Variants in CNTN5 observed in about 807,000 individuals in gnomAD.
CNTN5 encodes the protein contactin 5.
A neutral mutation model predicts 129.1 loss-of-function variants in CNTN5; 77 were observed. That is an observed-to-expected ratio of 0.60 (90% confidence interval 0.50 to 0.72). CNTN5 has a LOEUF of 0.72. CNTN5 is among the 30% of genes least tolerant of loss of function. CNTN5 has a pLI of 0.00. For missense variants in CNTN5, 1,478 were observed against 1,328.8 expected (o/e 1.11, Z -1.75); for synonymous variants, 509 against 465.6 (o/e 1.09, Z -1.20).
intron 3 of CNTN5, among the ~76,000 whole-genome samples, chr11:99,557,404 T>C (rs895497812): frequency 4.0e-5 from 6 of 151,310 alleles, no homozygotes; most frequent in Non-Finnish European, 7.4e-5. Flanking sequence ...TATATGGTTA[T>C]ATTACTATGC....
chr11:99,034,888 C>A (rs1222327041), intron 1 of CNTN5, among the ~76,000 whole-genome samples: 1 of 150,456 alleles, frequency 6.6e-6, no homozygotes, highest in African/African-American at 2.4e-5. Flanking sequence ...ATCTTTCCTG[C>A]TTTCTCTTGT....
chr11:100,223,441 G>A (rs1168489511), intron 15 of CNTN5, among the ~76,000 whole-genome samples: 1 of 152,072 alleles, frequency 6.6e-6, no homozygotes, highest in Non-Finnish European at 1.5e-5. Context: ...CCCTTTCTAT[G>A]AAAGCTAAGA....
At chr11:100,302,299 C>T (rs961086196) in intron 20 of CNTN5, among the ~76,000 whole-genome samples, 2 of 151,438 alleles carry the variant, frequency 1.3e-5, no homozygotes, top group African/African-American at 4.8e-5. Flanking sequence ...CAGGTTTCTC[C>T]CCTCAGTGTC....
intron 1 of CNTN5, among the ~76,000 whole-genome samples, chr11:99,270,186 T>A (rs972990095): frequency 6.6e-6 from 1 of 152,010 alleles, no homozygotes; most frequent in East Asian, 1.9e-4. Flanking sequence ...TACATAGTTA[T>A]GAGATAAAAT....
intron 13 of CNTN5, among the ~76,000 whole-genome samples, chr11:100,104,793 G>A (rs2407317): frequency 3.3e-3 from 497 of 152,204 alleles, no homozygotes; most frequent in Middle Eastern, 6.8e-3. Context: ...TTTTATACCT[G>A]AATATGCTTA....
At chr11:100,001,943 A>G in intron 8 of CNTN5, 91 bp from the exon 9 acceptor site, 9 of 920,994 alleles carry the variant, frequency 9.8e-6, no homozygotes, top group Non-Finnish European at 1.1e-5. Context: ...TTAACAACCA[A>G]ACCACAGTGA....
intron 3 of CNTN5, among the ~76,000 whole-genome samples, chr11:99,769,489 C>A (rs1314560173): frequency 1.3e-5 from 2 of 152,030 alleles, no homozygotes; most frequent in Non-Finnish European, 2.9e-5. Context: ...ACTTGATCTC[C>A]CATTTCCTGT....
At chr11:99,816,106 T>C (rs1479334657) in intron 3 of CNTN5, among the ~76,000 whole-genome samples, 1 of 152,192 alleles carries the variant, frequency 6.6e-6, no homozygotes, top group Non-Finnish European at 1.5e-5. Context: ...AGAACACTGA[T>C]CTTCAAAACT....
At chr11:99,986,272 C>A (rs919120946) in intron 8 of CNTN5, among the ~76,000 whole-genome samples, 1 of 152,192 alleles carries the variant, frequency 6.6e-6, no homozygotes, top group Non-Finnish European at 1.5e-5. Context: ...AAACCTCTTA[C>A]CTCAACCTCA....
At chr11:99,129,871 T>G (rs1275333069) in intron 1 of CNTN5, among the ~76,000 whole-genome samples, 1 of 152,188 alleles carries the variant, frequency 6.6e-6, no homozygotes. Context: ...CTAAGCTTCG[T>G]AAGTGAAGGA....
intron 3 of CNTN5, among the ~76,000 whole-genome samples, chr11:99,611,819 A>G (rs983422152): frequency 1.3e-5 from 2 of 152,232 alleles, no homozygotes; most frequent in African/African-American, 2.4e-5. Context: ...CCAATTGGAT[A>G]GACTGGCAGT....
intron 6 of CNTN5, among the ~76,000 whole-genome samples, chr11:99,881,641 T>A (rs1168591780): frequency 6.6e-6 from 1 of 152,082 alleles, no homozygotes; most frequent in Admixed American, 6.5e-5. Context: ...TTGTTATTTT[T>A]AAAATAAAAT....
intron 6 of CNTN5, among the ~76,000 whole-genome samples, chr11:99,870,234 C>G (rs547630298): frequency 1.3e-5 from 2 of 151,958 alleles, no homozygotes; most frequent in Non-Finnish European, 2.9e-5. Flanking sequence ...AAAAGGTATA[C>G]TCATTTTACC....
At chr11:99,359,083 A>G (rs1045585602) in intron 2 of CNTN5, among the ~76,000 whole-genome samples, 1 of 152,226 alleles carries the variant, frequency 6.6e-6, no homozygotes, top group Non-Finnish European at 1.5e-5. Context: ...ATGCAGTTGT[A>G]AAGTGAAAAG....
intron 1 of CNTN5, among the ~76,000 whole-genome samples, chr11:99,315,629 G>T (rs1009602150): frequency 6.7e-6 from 1 of 149,500 alleles, no homozygotes; most frequent in African/African-American, 2.4e-5. Flanking sequence ...AGCCAAGAAT[G>T]CATAGGAAAA....
chr11:99,976,640 C>A (rs1356984682), intron 8 of CNTN5, among the ~76,000 whole-genome samples: 1 of 152,192 alleles, frequency 6.6e-6, no homozygotes, highest in Non-Finnish European at 1.5e-5. Context: ...TGTATCTTAG[C>A]CCGTTTTAGC....
At chr11:100,135,006 T>G (rs1946479589) in intron 13 of CNTN5, among the ~76,000 whole-genome samples, 1 of 152,144 alleles carries the variant, frequency 6.6e-6, no homozygotes, top group African/African-American at 2.4e-5. Context: ...TTGGTTTGAT[T>G]AATTGTTAAT....
intron 13 of CNTN5, among the ~76,000 whole-genome samples, chr11:100,189,144 T>A (rs1948393110): frequency 6.6e-6 from 1 of 151,866 alleles, no homozygotes; most frequent in Admixed American, 6.6e-5. Context: ...CTACCCTGGG[T>A]GACAGGATCA....
intron 1 of CNTN5, chr11:99,049,748 C>A (rs761412491): frequency 6.6e-5 from 10 of 152,142 alleles, no homozygotes; most frequent in Non-Finnish European, 1.3e-4. Context: ...GTAGCTACCA[C>A]TGGCTGACTG....
Sources: allele counts gnomAD v4.1 joint callset (sites outside exome capture counted in the v4.1 genomes callset), GRCh38; gene constraint gnomAD v4.1.1; transcripts MANE v1.5; gene names NCBI Gene and HGNC (gene_info 2026-07-23, HGNC 2026-07-21).